The following KLHL24 variants were observed in gnomAD, a reference collection of about 807,000 sequenced individuals.
The protein encoded by KLHL24 is kelch-like protein 24.
In KLHL24, 29 loss-of-function variants were observed where a neutral mutation model predicts 53.4. The observed-to-expected ratio is 0.54, with a 90% CI of 0.40 to 0.74. The LOEUF is 0.74. Among genes scored for constraint, KLHL24 ranks in the 30% least tolerant of loss-of-function variants. The pLI, the probability that KLHL24 is intolerant of heterozygous loss-of-function variation, is 0.00. For synonymous variants in KLHL24, 222 were observed against 253.7 expected (o/e 0.88, Z 1.19); for missense variants, 504 against 744.0 (o/e 0.68, Z 3.75).
At chr3:183,676,130 A>G (rs1240806125) in intron 7 of KLHL24, among the ~76,000 whole-genome samples, 1 of 152,186 alleles carries the variant, frequency 6.6e-6, no homozygotes, top group Non-Finnish European at 1.5e-5. Context: ...GTTACCACCA[A>G]TGCTACTAAA....
At chr3:183,653,307 A>C (rs1718386716) in intron 3 of KLHL24, among the ~76,000 whole-genome samples, 1 of 152,198 alleles carries the variant, frequency 6.6e-6, no homozygotes, top group Non-Finnish European at 1.5e-5. Flanking sequence ...CCTTACATTT[A>C]TCTTTCACTT....
At chr3:183,656,921 CA>C (rs36005657) in intron 3 of KLHL24, among the ~76,000 whole-genome samples, 55,983 of 146,468 alleles carry the variant, frequency 0.38, 13,273 homozygotes, top group African/African-American at 0.68. Context: ...AAAAAAAAGA[CA>C]AAAAAAAAAT....
At position 183,663,384 on chromosome 3, in the gene KLHL24, T is replaced by C. The variant is rs1720075268; in HGVS notation, c.921-74T>C. 1 of 810,002 alleles carries C rather than the reference T, an allele frequency of 1.2e-6. No individual in the cohort carries two copies. Among genetic ancestry groups the C allele is most frequent in the Non-Finnish European group, 1.8e-6 (1 of 569,916 alleles). The allele number at this position is 810,002 out of a possible 1,614,324, so 50.2% of individuals were successfully genotyped here. A position where few individuals can be genotyped will look rare whatever the true frequency, so the allele number is the denominator to read the frequency against. On this transcript the variant is annotated intron_variant, in intron 3 of 7. Coordinates refer to ENST00000242810, the MANE Select transcript of KLHL24 (RefSeq NM_017644.3). This position sits in a 1 kb window ranked among gnomAD's most constrained non-coding sequence, Gnocchi z 4.9. ...AGTGCGTGGTTTGTTTTTAGAGTTT[T>C]AAGAAAAAATCTGGAGTATATTTTA...
intron 3 of KLHL24, among the ~76,000 whole-genome samples, chr3:183,652,130 TA>T (rs1718206698): frequency 6.6e-6 from 1 of 152,198 alleles, no homozygotes; most frequent in Admixed American, 6.5e-5. Context: ...ATCTCAATTT[TA>T]AAAAATCTTT....
chr3:183,637,611 G>T (rs1246404382), intron 1 of KLHL24, among the ~76,000 whole-genome samples: 1 of 152,114 alleles, frequency 6.6e-6, no homozygotes, highest in East Asian at 1.9e-4. Flanking sequence ...ATTTTCTTCT[G>T]CAGATATAGG....
chr3:183,677,372 G>A (rs907597457), intron 7 of KLHL24, among the ~76,000 whole-genome samples: 2 of 152,134 alleles, frequency 1.3e-5, no homozygotes, highest in East Asian at 1.9e-4. Flanking sequence ...ATTAGAGTTT[G>A]TTCCATAATT....
At chr3:183,671,609 C>T (rs1212325780) in intron 6 of KLHL24, among the ~76,000 whole-genome samples, 1 of 152,124 alleles carries the variant, frequency 6.6e-6, no homozygotes, top group Non-Finnish European at 1.5e-5. Flanking sequence ...TCATTTTCTA[C>T]ATACTTTTGA....
Position 183,664,926 on chromosome 3 carries a change from A to G in KLHL24, c.1111A>G (p.Arg371Gly). 1.9e-6 allele frequency: 3 copies of G among 1,595,596 alleles called. No individual in the cohort carries two copies. Among genetic ancestry groups the G allele is most frequent in the Non-Finnish European group, 2.6e-6 (3 of 1,165,084 alleles). The part of the protein sequence containing the change: ...LRNDILVSGG[R>G]INSRDVWIYN... Reference sequence around the variant, plus strand: ...GCATTGTTTTGCATTTCAAGGTGGAAGAATCAACAGCCGTGATGTCTGGAT... The same window carrying G: ...GCATTGTTTTGCATTTCAAGGTGGAGGAATCAACAGCCGTGATGTCTGGAT... Residue 371 changes from arginine (R) to glycine (G), a missense_variant, in exon 5 of 8, where the codon AGA (arginine) becomes GGA (glycine). By Grantham distance (125) the Arg-to-Gly change is moderately radical. Coordinates refer to ENST00000242810, the MANE Select transcript of KLHL24 (RefSeq NM_017644.3).
At chr3:183,672,886 T>C (rs1211160718) in intron 7 of KLHL24, 1 of 152,620 alleles carries the variant, frequency 6.6e-6, no homozygotes, top group African/African-American at 2.4e-5. Context: ...TCCCAGCTAC[T>C]AGGGAGGCTG....
Position 183,683,847 on chromosome 3 carries a change from C to T in KLHL24, c.*4561C>T, listed in dbSNP as rs946979898. On this transcript the variant is annotated 3_prime_UTR_variant, in exon 8 of 8. Transcript: ENST00000242810. Reference sequence around the variant, plus strand: ...CCTTAGATAAGGTTCATATTTGTTTCCTATAGAGTAAATAAACTTCCCCTT... The same window carrying T: ...CCTTAGATAAGGTTCATATTTGTTTTCTATAGAGTAAATAAACTTCCCCTT... 2 of 152,354 alleles carry T rather than the reference C, an allele frequency of 1.3e-5. No individual in the cohort carries two copies. Among genetic ancestry groups the T allele is most frequent in the Admixed American group, 1.3e-4 (2 of 15,250 alleles). 9.4% of individuals were successfully genotyped at this position (152,354 alleles called of 1,614,324 possible). A position where few individuals can be genotyped will look rare whatever the true frequency, so the allele number is the denominator to read the frequency against.
intron 1 of KLHL24, among the ~76,000 whole-genome samples, chr3:183,642,631 A>G (rs1201389284): frequency 6.7e-6 from 1 of 149,830 alleles, no homozygotes; most frequent in African/African-American, 2.5e-5. Flanking sequence ...AAAAAAAAGG[A>G]ATTGTGCCGA....
At position 183,663,275 on chromosome 3, in the gene KLHL24, C is replaced by T. The variant is rs1720059564; in HGVS notation, c.921-183C>T. On this transcript the variant is annotated intron_variant, in intron 3 of 7. Transcript: ENST00000242810. The surrounding 1 kb of genome is among the most constrained non-coding windows in gnomAD (Gnocchi z 4.9). ...CTGTGGAATAATGATGTCACTAGCT[C>T]CCCTATAAACGTTCTCAAAGTAAGT... Among the ~76,000 whole-genome samples the T allele has an allele frequency of 6.6e-6, 1 of 152,084 alleles. No homozygotes were observed. The highest frequency in any genetic ancestry group is 2.1e-4 in the South Asian group (1 of 4,830).
rs1433943596 is a variant in KLHL24 at position 183,664,955 on chromosome 3, T to C, written c.1140T>C (p.Tyr380=). 7 of 1,612,316 alleles carry C rather than the reference T, an allele frequency of 4.3e-6. No homozygotes were observed. The highest frequency in any genetic ancestry group is 5.9e-6 in the Non-Finnish European group (7 of 1,178,636). The stretch of plus-strand genomic sequence containing the variant: ...TCAACAGCCGTGATGTCTGGATTTA[T>C]AACTCACAGTTAAATATTTGGATCA... ...GRINSRDVWI[Y]NSQLNIWIRV... Residue 380 remains tyrosine, a synonymous_variant, in exon 5 of 8, where the codon TAT becomes TAC. Coordinates refer to ENST00000242810, the MANE Select transcript of KLHL24 (RefSeq NM_017644.3).
At chr3:183,637,889 C>T (rs1204355217) in intron 1 of KLHL24, among the ~76,000 whole-genome samples, 1 of 152,206 alleles carries the variant, frequency 6.6e-6, no homozygotes, top group Non-Finnish European at 1.5e-5. Flanking sequence ...GAACTCCTGA[C>T]CTCAGGTGAT....
rs367561610 is a variant in KLHL24 at position 183,647,900 on chromosome 3, G to A, written c.-61-2396G>A. On this transcript the variant is annotated intron_variant, in intron 2 of 7. Transcript: ENST00000242810. ...ATGCGCCTGTAATCCCAGTTACTCG[G>A]GAGGCTGAGGCACGAAAATCGCTTG... Among the ~76,000 whole-genome samples the A allele has an allele frequency of 1.9e-3, 286 of 152,254 alleles. 2 individuals carry two copies. The highest frequency in any genetic ancestry group is 6.5e-3 in the African/African-American group (269 of 41,550).
intron 5 of KLHL24, among the ~76,000 whole-genome samples, chr3:183,665,489 G>A (rs769413517): frequency 2.0e-5 from 3 of 152,106 alleles, no homozygotes; most frequent in South Asian, 2.1e-4. Context: ...GTTGGCTCAC[G>A]CCTGTAATCC....
At position 183,672,463 on chromosome 3, in the gene KLHL24, A is replaced by G. The variant is rs149293667; in HGVS notation, c.1581A>G (p.Val527=). The part of the protein sequence containing the change: ...YDPVEDYWMH[V]QNTFSRQENC... ...CAGTTGAAGATTACTGGATGCACGTACAGAATACATTCAGCCGTCAGGTAA... is the reference window on the plus strand; with the variant it reads ...CAGTTGAAGATTACTGGATGCACGTGCAGAATACATTCAGCCGTCAGGTAA... Residue 527 remains valine (V), a synonymous_variant, in exon 7 of 8, where the codon GTA becomes GTG. Coordinates refer to ENST00000242810, the MANE Select transcript of KLHL24 (RefSeq NM_017644.3). 41 of 1,609,660 alleles carry G rather than the reference A, an allele frequency of 2.5e-5. No homozygotes were observed. In the African/African-American group the frequency reaches 5.3e-4, roughly 21 times the overall value.
rs1045634604 is a variant in KLHL24, at chr3:183,681,260, G to A, written c.*1974G>A. 1 of 152,212 alleles carries A rather than the reference G, an allele frequency of 6.6e-6. No homozygotes were observed. Among genetic ancestry groups the A allele is most frequent in the Non-Finnish European group, 1.5e-5 (1 of 67,872 alleles). 9.4% of individuals were successfully genotyped at this position (152,212 alleles called of 1,614,324 possible). A position where few individuals can be genotyped will look rare whatever the true frequency, so the allele number is the denominator to read the frequency against. ...TTATTTAGTTAAGAAATTCTTTACA[G>A]TAAATGAGATAATGTGTGAAAAAGT... On this transcript the variant is annotated 3_prime_UTR_variant, in exon 8 of 8. Coordinates refer to ENST00000242810, the MANE Select transcript of KLHL24 (RefSeq NM_017644.3).
intron 3 of KLHL24, among the ~76,000 whole-genome samples, chr3:183,660,831 G>A (rs1166104726): frequency 6.6e-6 from 1 of 151,822 alleles, no homozygotes; most frequent in African/African-American, 2.4e-5. Context: ...GCCGAGGCGG[G>A]TGGATCATGA....
Sources: gnomAD v4.1 joint callset for allele counts (sites outside exome capture counted in the v4.1 genomes callset) on GRCh38, gnomAD v4.1.1 for gene constraint, Gnocchi (gnomAD v3.1) non-coding constraint, MANE v1.5 for transcripts, NCBI Gene and HGNC (gene_info 2026-07-23, HGNC 2026-07-21) for gene names.